EEIG2: variants seen among roughly 807,000 people sequenced by gnomAD.
The protein encoded by EEIG2 is family with sequence similarity 102 member B.
the EEIG2 span, among the ~76,000 whole-genome samples, chr1:108,588,391 A>G: frequency 6.6e-6 from 1 of 152,118 alleles, no homozygotes. Flanking sequence ...TTTCGATAAT[A>G]TCCATTGTAA....
At chr1:108,565,708 G>A in the EEIG2 span, among the ~76,000 whole-genome samples, 3 of 152,182 alleles carry the variant, frequency 2.0e-5, no homozygotes, top group East Asian at 5.8e-4. Context: ...TGTCTGGGAA[G>A]CTGATGAGCA....
the EEIG2 span, among the ~76,000 whole-genome samples, chr1:108,567,941 A>G: frequency 0.81 from 123,772 of 151,974 alleles, 52,504 homozygotes; most frequent in Non-Finnish European, 0.94. Context: ...TGAAGCTGCA[A>G]TGAGCCATGA....
At chr1:108,580,608 C>T in the EEIG2 span, among the ~76,000 whole-genome samples, 1 of 152,120 alleles carries the variant, frequency 6.6e-6, no homozygotes, top group South Asian at 2.1e-4. Context: ...AGTATAACAG[C>T]CTTATTGCTG....
the EEIG2 span, among the ~76,000 whole-genome samples, chr1:108,620,770 A>G: frequency 2.0e-4 from 31 of 152,304 alleles, no homozygotes; most frequent in South Asian, 6.2e-4. Context: ...CCAGGATGCA[A>G]TCATTCATTC....
chr1:108,593,933 G>C, the EEIG2 span, among the ~76,000 whole-genome samples: 2 of 152,088 alleles, frequency 1.3e-5, no homozygotes, highest in African/African-American at 4.8e-5. Flanking sequence ...AGCTGCCCGA[G>C]AAGCTGGGAC....
chr1:108,623,311 C>CA, the EEIG2 span, among the ~76,000 whole-genome samples: 5 of 151,560 alleles, frequency 3.3e-5, no homozygotes, highest in East Asian at 1.9e-4. Context: ...CCCATCTCTG[C>CA]AAAAAAAATT....
the EEIG2 span, among the ~76,000 whole-genome samples, chr1:108,613,694 C>T: frequency 2.0e-4 from 31 of 152,084 alleles, no homozygotes; most frequent in Non-Finnish European, 1.9e-4. Context: ...CCTTAGGTAC[C>T]GTCTCGCTCC....
At chr1:108,610,382 A>G in the EEIG2 span, among the ~76,000 whole-genome samples, 1 of 152,220 alleles carries the variant, frequency 6.6e-6, no homozygotes, top group Admixed American at 6.5e-5. Context: ...TGTCACTGGC[A>G]GTAAAAGCTT....
At chr1:108,617,658 G>T in the EEIG2 span, among the ~76,000 whole-genome samples, 258 of 152,316 alleles carry the variant, frequency 1.7e-3, 8 homozygotes, top group South Asian at 0.044. Flanking sequence ...AACGAGTAGA[G>T]ATGGAAAAGA....
At chr1:108,565,319 A>G in the EEIG2 span, among the ~76,000 whole-genome samples, 3 of 152,154 alleles carry the variant, frequency 2.0e-5, no homozygotes, top group African/African-American at 7.2e-5. Context: ...ATAGCCTACT[A>G]CGTGCTTAGA....
At chr1:108,587,148 A>T in the EEIG2 span, among the ~76,000 whole-genome samples, 1 of 152,110 alleles carries the variant, frequency 6.6e-6, no homozygotes, top group African/African-American at 2.4e-5. Flanking sequence ...TCCATAGTTC[A>T]TATCAACTTC....
chr1:108,635,164 GAA>G, the EEIG2 span: 20 of 1,614,106 alleles, frequency 1.2e-5, 1 homozygote, highest in Middle Eastern at 4.9e-4. Context: ...TCAAGTCGGT[GAA>G]AACATTTCCT....
the EEIG2 span, among the ~76,000 whole-genome samples, chr1:108,565,384 C>T: frequency 1.3e-5 from 2 of 152,136 alleles, no homozygotes; most frequent in Non-Finnish European, 2.9e-5. Context: ...CTGTTGTTGA[C>T]CAAAATGTCC....
the EEIG2 span, among the ~76,000 whole-genome samples, chr1:108,566,735 G>C: frequency 3.3e-5 from 5 of 152,006 alleles, no homozygotes; most frequent in Non-Finnish European, 7.4e-5. Context: ...GTGACAACAT[G>C]GATGAACCTG....
At chr1:108,581,702 G>A in the EEIG2 span, among the ~76,000 whole-genome samples, 11 of 152,286 alleles carry the variant, frequency 7.2e-5, no homozygotes, top group East Asian at 3.9e-4. Context: ...ATTAAAACTC[G>A]AATGGACAAT....
At chr1:108,598,334 CAAAAA>C in the EEIG2 span, among the ~76,000 whole-genome samples, 23 of 91,874 alleles carry the variant, frequency 2.5e-4, no homozygotes, top group Admixed American at 5.0e-4. Context: ...ACCCTGTATC[CAAAAA>C]AAAAAAAAAA....
At chr1:108,582,615 T>C in the EEIG2 span, among the ~76,000 whole-genome samples, 1 of 152,124 alleles carries the variant, frequency 6.6e-6, no homozygotes, top group Admixed American at 6.6e-5. Flanking sequence ...ATGTTTGTTA[T>C]TACTACCAAT....
At chr1:108,581,739 A>C in the EEIG2 span, among the ~76,000 whole-genome samples, 1 of 152,196 alleles carries the variant, frequency 6.6e-6, no homozygotes. Flanking sequence ...TATGAGCAAA[A>C]AAGTGGTTTA....
chr1:108,571,808 A>C, the EEIG2 span, among the ~76,000 whole-genome samples: 6 of 151,824 alleles, frequency 4.0e-5, no homozygotes, highest in African/African-American at 1.5e-4. Flanking sequence ...TTACTGTCTC[A>C]CACCCCTCTG....
Sources: allele counts gnomAD v4.1 joint callset (sites outside exome capture counted in the v4.1 genomes callset), GRCh38; gene constraint gnomAD v4.1.1; transcripts MANE v1.5; gene names NCBI Gene and HGNC (gene_info 2026-07-23, HGNC 2026-07-21).